Variants in SLC15A2 observed in about 807,000 individuals in gnomAD.
SLC15A2 encodes the protein kidney H(+)/peptide cotransporter.
SLC15A2 carries 77 observed loss-of-function variants against 95.5 expected under a neutral mutation model. The observed-to-expected ratio is 0.81, with a 90% CI of 0.67 to 0.97. The LOEUF (loss-of-function observed/expected upper bound fraction) is 0.97. SLC15A2 is among the 50% of genes least tolerant of loss of function. The probability of loss-of-function intolerance (pLI) is 0.00; values close to 1 mark genes in which losing one functional copy is unlikely to be tolerated. For synonymous variants in SLC15A2, 306 were observed against 306.9 expected, an observed-to-expected ratio of 1.00 and a Z score of 0.03; for missense variants, 893 against 874.4, an observed-to-expected ratio of 1.02 and a Z score of -0.27.
Position 121,942,097 on chromosome 3 carries a change from T to C in SLC15A2, c.*1090T>C, listed in dbSNP as rs1710473868. On this transcript the variant is annotated 3_prime_UTR_variant, in exon 22 of 22. Coordinates refer to ENST00000489711, the MANE Select transcript of SLC15A2 (RefSeq NM_021082.4). ...CCTTGAAGCCTAGAAATTTTCTTTTTATTCAAAAAAAGTTACATTAATGCT... is the reference window on the plus strand; with the variant it reads ...CCTTGAAGCCTAGAAATTTTCTTTTCATTCAAAAAAAGTTACATTAATGCT... 1 of 152,214 alleles carries C rather than the reference T, an allele frequency of 6.6e-6. No individual in the cohort carries two copies. The highest frequency in any genetic ancestry group is 1.5e-5 in the Non-Finnish European group (1 of 68,030). The allele number at this position is 152,214 out of a possible 1,614,324, so 9.4% of individuals were successfully genotyped here. A position where few individuals can be genotyped will look rare whatever the true frequency, so the allele number is the denominator to read the frequency against.
intron 7 of SLC15A2, among the ~76,000 whole-genome samples, chr3:121,920,919 A>G (rs1464790216): frequency 1.3e-5 from 2 of 152,240 alleles, no homozygotes; most frequent in Non-Finnish European, 2.9e-5. Context: ...AAGCTGGGAA[A>G]TCCGTTAAGG....
chr3:121,896,565 C>T, intron 2 of SLC15A2, 72 bp downstream of exon 2: 2 of 1,165,370 alleles, frequency 1.7e-6, no homozygotes, highest in Non-Finnish European at 2.6e-6. Context: ...ACAGCCTGGT[C>T]TCTTTATATG....
At chr3:121,896,591 TC>T in intron 2 of SLC15A2, 98 bp downstream of exon 2, 1 of 938,796 alleles carries the variant, frequency 1.1e-6, no homozygotes, top group Non-Finnish European at 1.7e-6. Context: ...ATTTCCCGAG[TC>T]CACTCTTTCT....
intron 3 of SLC15A2, among the ~76,000 whole-genome samples, chr3:121,907,246 T>G (rs1034601528): frequency 1.3e-5 from 2 of 152,198 alleles, no homozygotes; most frequent in African/African-American, 4.8e-5. Context: ...AGTTAGCCAT[T>G]CATCTAATCT....
intron 8 of SLC15A2, 62 bp downstream of exon 8, chr3:121,922,364 A>T (rs1286997552): frequency 7.5e-7 from 1 of 1,327,544 alleles, no homozygotes; most frequent in African/African-American, 1.5e-5. Flanking sequence ...TATGCTGAGA[A>T]TATGGGCCTT....
chr3:121,909,920 C>A (rs988274198), intron 3 of SLC15A2, among the ~76,000 whole-genome samples: 1 of 152,048 alleles, frequency 6.6e-6, no homozygotes, highest in Non-Finnish European at 1.5e-5. Flanking sequence ...TTGGACACCC[C>A]TGATTTAGTC....
At chr3:121,897,349 G>T in intron 2 of SLC15A2, 39 bp from the exon 3 acceptor site, 3 of 1,604,892 alleles carry the variant, frequency 1.9e-6, no homozygotes, top group Non-Finnish European at 2.5e-6. Flanking sequence ...CATCTATCTT[G>T]TTTTGTCTCC....
chr3:121,907,049 C>G (rs542986589), intron 3 of SLC15A2, among the ~76,000 whole-genome samples: 2 of 152,256 alleles, frequency 1.3e-5, no homozygotes, highest in African/African-American at 4.8e-5. Context: ...TTGTTCATTT[C>G]TTTTTACTCT....
At chr3:121,929,186 A>T (rs1202086864) in intron 16 of SLC15A2, 40 bp downstream of exon 16, 1 of 1,604,750 alleles carries the variant, frequency 6.2e-7, no homozygotes, top group Admixed American at 1.7e-5. Flanking sequence ...TTGTCATCTC[A>T]AAGTAATATG....
chr3:121,912,571 G>T (rs147092913), intron 4 of SLC15A2, among the ~76,000 whole-genome samples: 1 of 152,018 alleles, frequency 6.6e-6, no homozygotes, highest in Non-Finnish European at 1.5e-5. Context: ...TTGGTGTCCC[G>T]TCAAAAATCT....
At chr3:121,924,833 G>A in intron 12 of SLC15A2, 112 bp from the exon 13 acceptor site, 1 of 797,270 alleles carries the variant, frequency 1.3e-6, no homozygotes, top group South Asian at 1.5e-5. Context: ...TACTTACAAT[G>A]ACAAAAGTGT....
Position 121,943,864 on chromosome 3 carries a change from G to A in SLC15A2, c.*2857G>A, listed in dbSNP as rs545917825. On this transcript the variant is annotated 3_prime_UTR_variant, in exon 22 of 22. Coordinates refer to ENST00000489711, the MANE Select transcript of SLC15A2 (RefSeq NM_021082.4). ...ACAGCATGTTACTGTATTAAATGCT[G>A]TAGGCAATTGTAACACAATGGTATT... 3 of 152,332 alleles carry A rather than the reference G, an allele frequency of 2.0e-5. No homozygotes were observed. The East Asian group carries it at 5.8e-4, about 29-fold the overall frequency. 9.4% of individuals were successfully genotyped at this position (152,332 alleles called of 1,614,324 possible).
intron 12 of SLC15A2, 76 bp from the exon 13 acceptor site, chr3:121,924,869 C>A: frequency 9.6e-7 from 1 of 1,038,654 alleles, no homozygotes; most frequent in Non-Finnish European, 1.5e-6. Context: ...AGAGTGTAAA[C>A]AAGCAAATGA....
Position 121,924,369 on chromosome 3 carries a change from C to G in SLC15A2, c.1021C>G (p.Pro341Ala). 6.2e-7 allele frequency: 1 copy of G among 1,613,462 alleles called. No homozygotes were observed. Among genetic ancestry groups the G allele is most frequent in the Non-Finnish European group, 8.5e-7 (1 of 1,179,538 alleles). ...GTTTCAGGGGTTTTTTGTGCTTCAG[C>G]CGGACCAGATGCAGGTATGTGACTC... ...NRNLGFFVLQPDQMQVLNPLL... is the reference protein window; with the variant it reads ...NRNLGFFVLQADQMQVLNPLL... Residue 341 changes from proline (P) to alanine (A), a missense_variant, in exon 12 of 22, where the codon CCG becomes GCG. By Grantham distance (27) the Pro-to-Ala change is conservative. Transcript: ENST00000489711.
At chr3:121,901,256 G>T (rs1709515127) in intron 3 of SLC15A2, among the ~76,000 whole-genome samples, 2 of 151,990 alleles carry the variant, frequency 1.3e-5, no homozygotes, top group Admixed American at 6.6e-5. Flanking sequence ...ACCTCAAGTG[G>T]TCCACCCACC....
chr3:121,941,017 A>G lies in SLC15A2; in HGVS notation c.*10A>G, dbSNP rs1710454246. ...GAAGACAAAACTCTGATGACTCCCT[A>G]GATTCTGTCCTGACCCCAATTCCTG... is the stretch of plus-strand genomic sequence containing the variant. On this transcript the variant is annotated 3_prime_UTR_variant, in exon 22 of 22. Transcript: ENST00000489711. 1 of 1,610,978 alleles carries G rather than the reference A, an allele frequency of 6.2e-7. No homozygotes were observed. The highest frequency in any genetic ancestry group is 8.5e-7 in the Non-Finnish European group (1 of 1,178,590).
In SLC15A2 at chr3:121,940,907, T is replaced by C; in HGVS notation, c.2090T>C (p.Val697Ala). Residue 697 changes from valine (V) to alanine (A), a missense_variant, in exon 22 of 22, where the codon GTT becomes GCT. Coordinates refer to ENST00000489711, the MANE Select transcript of SLC15A2 (RefSeq NM_021082.4). ...TTCTCCATCATGGGCTACTACTATG[T>C]TCCTGTAAAGACAGAGGATATGCGG... is the stretch of plus-strand genomic sequence containing the variant. ...LIFSIMGYYYVPVKTEDMRGP... is the reference protein window; with the variant it reads ...LIFSIMGYYYAPVKTEDMRGP... 2 of 1,614,206 alleles carry C rather than the reference T, an allele frequency of 1.2e-6. No homozygotes were observed. The highest frequency in any genetic ancestry group is 1.7e-6 in the Non-Finnish European group (2 of 1,180,028).
intron 19 of SLC15A2, 53 bp from the exon 20 acceptor site, chr3:121,939,296 A>C (rs1410503516): frequency 1.5e-6 from 2 of 1,355,192 alleles, no homozygotes; most frequent in Non-Finnish European, 2.0e-6. Flanking sequence ...TGTAGTTAGA[A>C]ATATTTACTT....
chr3:121,904,787 A>T (rs1353867910), intron 3 of SLC15A2, among the ~76,000 whole-genome samples: 2 of 152,332 alleles, frequency 1.3e-5, no homozygotes, highest in South Asian at 4.1e-4. Context: ...ATTGGTGTTC[A>T]CCAGGGATAC....
Sources: gnomAD v4.1 joint callset for allele counts (sites outside exome capture counted in the v4.1 genomes callset) on GRCh38, gnomAD v4.1.1 for gene constraint, MANE v1.5 for transcripts, NCBI Gene and HGNC (gene_info 2026-07-23, HGNC 2026-07-21) for gene names.